Variants in XG observed in about 807,000 individuals in gnomAD.
The protein encoded by XG is Xg glycoprotein (Xg blood group), also known as glycoprotein Xg.
A neutral mutation model predicts 25.7 loss-of-function variants in XG; 24 were observed. The ratio of observed to expected loss-of-function variants is 0.93; its 90% CI spans 0.68 to 1.31. The LOEUF is 1.31. XG is among the 40% of genes most tolerant of loss of function. The pLI, the probability that XG is intolerant of heterozygous loss-of-function variation, is 0.00. For missense variants in XG, 181 were observed against 187.6 expected (o/e 0.96, Z 0.21); for synonymous variants, 77 against 69.2 (o/e 1.11, Z -0.56).
At chrX:2,758,141 C>A (rs907550431) in intron 1 of XG, among the ~76,000 whole-genome samples, 1 of 152,130 alleles carries the variant, frequency 6.6e-6, no homozygotes, top group Middle Eastern at 3.4e-3. Flanking sequence ...TCTCCCTGCC[C>A]CCTCCTTCCC....
At chrX:2,812,608 G>A (rs1421800463) in intron 10 of XG, among the ~76,000 whole-genome samples, 1 of 111,860 alleles carries the variant, frequency 8.9e-6, no homozygotes, top group East Asian at 2.8e-4. Context: ...CTCTGCTGGT[G>A]AATGGGCAGT....
At chrX:2,798,958 C>T (rs1234496316) in intron 7 of XG, among the ~76,000 whole-genome samples, 1 of 106,355 alleles carries the variant, frequency 9.4e-6, no homozygotes, top group Non-Finnish European at 1.9e-5. Context: ...CCTAAGTTTT[C>T]TCTGAATCAC....
chrX:2,758,557 C>A (rs2050487358), intron 1 of XG, among the ~76,000 whole-genome samples: 1 of 152,202 alleles, frequency 6.6e-6, no homozygotes, highest in Admixed American at 6.5e-5. Context: ...CTATGCAGGC[C>A]CAAGGTGACA....
intron 1 of XG, among the ~76,000 whole-genome samples, chrX:2,762,212 C>T (rs2050581019): frequency 6.6e-6 from 1 of 152,188 alleles, no homozygotes; most frequent in Admixed American, 6.5e-5. Flanking sequence ...TCATTCCTTC[C>T]TCTTCGACGA....
At chrX:2,804,109 C>T (rs1315346843) in intron 7 of XG, among the ~76,000 whole-genome samples, 3 of 112,538 alleles carry the variant, frequency 2.7e-5, no homozygotes, top group Non-Finnish European at 5.6e-5. Context: ...TCCCAAAGTG[C>T]TGGGATTATA....
chrX:2,786,707 TG>T (rs1457336656), intron 4 of XG, among the ~76,000 whole-genome samples: 2 of 111,494 alleles, frequency 1.8e-5, no homozygotes, highest in African/African-American at 6.5e-5. Flanking sequence ...TCTTTGGAGA[TG>T]GGGCCTTTAA....
intron 7 of XG, among the ~76,000 whole-genome samples, chrX:2,801,558 T>C (rs1437939914): frequency 9.0e-6 from 1 of 110,873 alleles, no homozygotes; most frequent in Non-Finnish European, 1.9e-5. Context: ...GTCAGTGCCA[T>C]CTTGTCTGCT....
chrX:2,765,049 A>G (rs1241496732), intron 1 of XG, among the ~76,000 whole-genome samples: 5 of 137,492 alleles, frequency 3.6e-5, no homozygotes, highest in Middle Eastern at 4.1e-3. Flanking sequence ...TCCAAAAAAA[A>G]AAAAAAAAAA....
rs754800909 is a variant in XG, at chrX:2,773,970, C to A, written c.104-746C>A. Among the ~76,000 whole-genome samples the A allele has an allele frequency of 1.3e-3, 202 of 152,212 alleles. 1 individual carries two copies. Among genetic ancestry groups the A allele is most frequent in the Middle Eastern group, 3.4e-3 (1 of 294 alleles). Reference sequence around the variant, plus strand: ...TGCCCCGTTTGGAGGTTCAAGCTCTCCTTCTTGCAGTCTCTGCATCCCCAG... The same window carrying A: ...TGCCCCGTTTGGAGGTTCAAGCTCTACTTCTTGCAGTCTCTGCATCCCCAG... On this transcript the variant is annotated intron_variant, in intron 2 of 10. Transcript: ENST00000644266.
intron 7 of XG, among the ~76,000 whole-genome samples, chrX:2,801,850 A>G (rs1306761012): frequency 9.0e-6 from 1 of 110,655 alleles, no homozygotes; most frequent in Non-Finnish European, 1.9e-5. Context: ...CTGGGACTAC[A>G]GGCGCCCGCC....
intron 7 of XG, among the ~76,000 whole-genome samples, chrX:2,803,134 G>A (rs1294640914): frequency 9.0e-6 from 1 of 111,677 alleles, no homozygotes; most frequent in African/African-American, 3.3e-5. Context: ...AAGCCACTGG[G>A]AGTAGTTTTT....
intron 1 of XG, among the ~76,000 whole-genome samples, chrX:2,754,073 C>A (rs1041126804): frequency 1.3e-5 from 2 of 152,060 alleles, no homozygotes; most frequent in East Asian, 1.9e-4. Context: ...AATGCACTTA[C>A]AACATAAAAT....
chrX:2,764,366 C>G (rs1255903369), intron 1 of XG, among the ~76,000 whole-genome samples: 1 of 152,160 alleles, frequency 6.6e-6, no homozygotes, highest in East Asian at 1.9e-4. Flanking sequence ...TTTATGGACT[C>G]GCCGCAAATT....
chrX:2,754,436 A>G (rs1014425842), intron 1 of XG, among the ~76,000 whole-genome samples: 72 of 152,086 alleles, frequency 4.7e-4, no homozygotes, highest in Admixed American at 1.4e-3. Flanking sequence ...AGCACTTCCT[A>G]TGCACTAGGC....
At chrX:2,770,662 C>G in intron 2 of XG, 71 bp downstream of exon 2, 1 of 1,596,134 alleles carries the variant, frequency 6.3e-7, no homozygotes, top group Non-Finnish European at 8.6e-7. Context: ...TGTATAGTTA[C>G]TTTGGGGTTG....
intron 2 of XG, among the ~76,000 whole-genome samples, chrX:2,772,419 G>T (rs990172826): frequency 2.6e-5 from 4 of 152,192 alleles, no homozygotes; most frequent in Non-Finnish European, 5.9e-5. Flanking sequence ...CGTGCTACAT[G>T]AGCCTTGAAA....
intron 5 of XG, among the ~76,000 whole-genome samples, chrX:2,791,633 G>C (rs1329587864): frequency 9.1e-6 from 1 of 109,354 alleles, no homozygotes; most frequent in Non-Finnish European, 1.9e-5. Flanking sequence ...GCAACACCGT[G>C]CAATTGTGTT....
chrX:2,752,169 T>C lies in XG; in HGVS notation c.-106T>C. ...ACTTGAAGACATCGCCTCCCTTCCTTCCAAGCTGGGAGACCAGAAGTCAAC... is the reference window on the plus strand; with the variant it reads ...ACTTGAAGACATCGCCTCCCTTCCTCCCAAGCTGGGAGACCAGAAGTCAAC... On this transcript the variant is annotated 5_prime_UTR_variant, in exon 1 of 11. Coordinates refer to ENST00000644266, the MANE Select transcript of XG (RefSeq NM_001141919.2). 6.4e-7 allele frequency: 1 copy of C among 1,568,626 alleles called. No individual in the cohort carries two copies.
chrX:2,770,564 G>C lies in XG; in HGVS notation c.76G>C (p.Asp26His). The change falls in exon 2 of 11, where the codon GAT becomes CAT. Residue 26 changes from aspartate (D) to histidine (H), a missense_variant. Coordinates refer to ENST00000644266, the MANE Select transcript of XG (RefSeq NM_001141919.2). ...GCTCCCAATAGGTCAAAGAGACTTT[G>C]ATTTGGCAGATGCCCTTGATGACCC... ...LMHARGQRDF[D>H]LADALDDPEP... The C allele has an allele frequency of 6.2e-7, 1 of 1,613,946 alleles. No homozygotes were observed. The highest frequency in any genetic ancestry group is 8.5e-7 in the Non-Finnish European group (1 of 1,179,862).
Sources: gnomAD v4.1 joint callset for allele counts (sites outside exome capture counted in the v4.1 genomes callset) on GRCh38, gnomAD v4.1.1 for gene constraint, MANE v1.5 for transcripts, NCBI Gene and HGNC (gene_info 2026-07-23, HGNC 2026-07-21) for gene names.